SSBP2: variants seen among roughly 807,000 people sequenced by gnomAD.
The protein encoded by SSBP2 is single-stranded DNA-binding protein 2.
In SSBP2, 17 loss-of-function variants were observed where a neutral mutation model predicts 61.8. The observed-to-expected ratio is 0.28, with a 90% CI of 0.19 to 0.41. SSBP2 has a LOEUF of 0.41. Ranked by LOEUF, SSBP2 falls within the 10% of genes least tolerant of loss-of-function variation. The pLI, the probability that SSBP2 is intolerant of heterozygous loss-of-function variation, is 1.00. For missense variants in SSBP2, 310 were observed against 458.7 expected (o/e 0.68, Z 2.96); for synonymous variants, 139 against 141.3 (o/e 0.98, Z 0.12).
chr5:81,457,198 G>A (rs995626624), intron 10 of SSBP2, among the ~76,000 whole-genome samples: 1 of 152,050 alleles, frequency 6.6e-6, no homozygotes, highest in Admixed American at 6.5e-5. Context: ...GAGAAAAATG[G>A]GGACATGTTA....
At chr5:81,658,905 C>T (rs1452484448) in intron 1 of SSBP2, among the ~76,000 whole-genome samples, 1 of 152,136 alleles carries the variant, frequency 6.6e-6, no homozygotes, top group Non-Finnish European at 1.5e-5. Context: ...TAAACAGAAC[C>T]AATGACTAAA....
At position 81,459,041 on chromosome 5, in the gene SSBP2, T is replaced by TC. The variant is rs1222199442; in HGVS notation, c.687+2013dup. Among the ~76,000 whole-genome samples, 12 of 152,318 alleles carry TC rather than the reference T, an allele frequency of 7.9e-5. No individual in the cohort carries two copies. The South Asian group carries it at 2.5e-3, about 32-fold the overall frequency. On this transcript the variant is annotated intron_variant, in intron 10 of 16. Coordinates refer to ENST00000320672, the MANE Select transcript of SSBP2 (RefSeq NM_012446.5). Reference sequence around the variant, plus strand: ...ATTCATCGAGGAGACTGCTTTCAACTCCATTACTTGCCTACATGTGTGCTA... The same window carrying TC: ...ATTCATCGAGGAGACTGCTTTCAACTCCCATTACTTGCCTACATGTGTGCTA...
chr5:81,613,415 A>G lies in SSBP2; in HGVS notation c.282+2058T>C, dbSNP rs2153597627. 2.0e-5 allele frequency among the ~76,000 whole-genome samples: 3 copies of G among 152,332 alleles called. No homozygotes were observed. In the South Asian group the frequency reaches 6.2e-4, roughly 32 times the overall value. On this transcript the variant is annotated intron_variant, in intron 4 of 16. Coordinates refer to ENST00000320672, the MANE Select transcript of SSBP2 (RefSeq NM_012446.5). ...TGTATTTCTAAAGCTAATAAGTGTG[A>G]ATACTTTGAAATTTTCAAAGTGTCT...
intron 1 of SSBP2, among the ~76,000 whole-genome samples, chr5:81,741,109 C>T (rs1055648623): frequency 2.0e-5 from 3 of 152,328 alleles, no homozygotes; most frequent in Admixed American, 6.5e-5. Context: ...ATACAATTTA[C>T]TCTGTGGCCC....
chr5:81,590,379 C>A (rs1775407442), intron 4 of SSBP2, among the ~76,000 whole-genome samples: 1 of 152,144 alleles, frequency 6.6e-6, no homozygotes, highest in Non-Finnish European at 1.5e-5. Context: ...CTCAAGCTTA[C>A]CACAACAACA....
chr5:81,436,185 CAAAAAAA>C (rs34499225), intron 15 of SSBP2, among the ~76,000 whole-genome samples: 2 of 54,570 alleles, frequency 3.7e-5, no homozygotes, highest in African/African-American at 1.4e-4. Context: ...AAGACTCCAT[CAAAAAAA>C]AAAAAAAAAA....
intron 15 of SSBP2, among the ~76,000 whole-genome samples, chr5:81,428,937 A>G (rs1325957551): frequency 6.6e-6 from 1 of 152,170 alleles, no homozygotes; most frequent in Non-Finnish European, 1.5e-5. Context: ...TTCAGAATCA[A>G]TATTTATTCA....
At chr5:81,544,196 AT>A (rs1771539127) in intron 4 of SSBP2, among the ~76,000 whole-genome samples, 1 of 151,976 alleles carries the variant, frequency 6.6e-6, no homozygotes, top group South Asian at 2.1e-4. Flanking sequence ...ACTACAGGCG[AT>A]GCCACCACGC....
At chr5:81,483,055 G>A (rs1281847562) in intron 6 of SSBP2, among the ~76,000 whole-genome samples, 8 of 152,106 alleles carry the variant, frequency 5.3e-5, no homozygotes, top group African/African-American at 1.7e-4. Flanking sequence ...GTGGCTGGTC[G>A]GTGGAGCAGT....
intron 1 of SSBP2, among the ~76,000 whole-genome samples, chr5:81,669,593 G>C (rs1751431923): frequency 6.6e-6 from 1 of 152,058 alleles, no homozygotes; most frequent in African/African-American, 2.4e-5. Context: ...ATAACTGGGA[G>C]CTGAACATTG....
At chr5:81,522,409 T>G (rs1769561872) in intron 4 of SSBP2, among the ~76,000 whole-genome samples, 1 of 152,046 alleles carries the variant, frequency 6.6e-6, no homozygotes, top group African/African-American at 2.4e-5. Flanking sequence ...AATACAATTT[T>G]TATAAACTTT....
intron 4 of SSBP2, among the ~76,000 whole-genome samples, chr5:81,590,334 C>T (rs986733756): frequency 7.9e-5 from 12 of 152,120 alleles, no homozygotes; most frequent in Admixed American, 7.9e-4. Context: ...AAATGCTTTC[C>T]AAGTAAGAGG....
chr5:81,531,229 GAA>G (rs71000841), intron 4 of SSBP2, among the ~76,000 whole-genome samples: 2 of 118,304 alleles, frequency 1.7e-5, no homozygotes, highest in Non-Finnish European at 1.8e-5. Flanking sequence ...ACCCTGTCTG[GAA>G]AAAAAAAAAA....
At position 81,421,988 on chromosome 5, in the gene SSBP2, T is replaced by C. The variant is rs114904671; in HGVS notation, c.1057-1455A>G. Among the ~76,000 whole-genome samples the C allele has an allele frequency of 2.5e-3, 382 of 152,320 alleles. 2 individuals carry two copies. The highest frequency in any genetic ancestry group is 8.8e-3 in the African/African-American group (367 of 41,570). Reference sequence around the variant, plus strand: ...TAATCCCACATGGTAATTTACTCTTTGGATGAAGACAGTTTCTAAATTAAA... The same window carrying C: ...TAATCCCACATGGTAATTTACTCTTCGGATGAAGACAGTTTCTAAATTAAA... On this transcript the variant is annotated intron_variant, in intron 16 of 16. Transcript: ENST00000320672.
chr5:81,664,026 C>G (rs1327421973), intron 1 of SSBP2, among the ~76,000 whole-genome samples: 1 of 151,942 alleles, frequency 6.6e-6, no homozygotes, highest in East Asian at 1.9e-4. Flanking sequence ...CCAAAAATGG[C>G]TCTTCCTAAT....
rs1216485772 is a variant in SSBP2, at chr5:81,751,045, T to C, written c.-3A>G. ...TTACTCTTGCCTTTGCCGTACATGC[T>C]TGTGCCGAGAGCAGCTCCCACTGTC... On this transcript the variant is annotated 5_prime_UTR_variant, in exon 1 of 17. Coordinates refer to ENST00000320672, the MANE Select transcript of SSBP2 (RefSeq NM_012446.5). 3.8e-6 allele frequency: 6 copies of C among 1,592,878 alleles called. No homozygotes were observed. The South Asian group carries it at 5.7e-5, about 15-fold the overall frequency.
intron 8 of SSBP2, among the ~76,000 whole-genome samples, chr5:81,469,948 A>C (rs746060316): frequency 6.6e-6 from 1 of 151,892 alleles, no homozygotes; most frequent in Non-Finnish European, 1.5e-5. Context: ...CTCTGCTTGG[A>C]AAGTTTATAA....
intron 4 of SSBP2, among the ~76,000 whole-genome samples, chr5:81,583,425 T>G (rs373510660): frequency 4.7e-4 from 72 of 151,978 alleles, no homozygotes; most frequent in African/African-American, 1.3e-3. Context: ...GTCAGGAGAT[T>G]GAGACCATCC....
intron 4 of SSBP2, among the ~76,000 whole-genome samples, chr5:81,532,132 T>G (rs1301667589): frequency 6.6e-6 from 1 of 152,052 alleles, no homozygotes; most frequent in Non-Finnish European, 1.5e-5. Flanking sequence ...CAAGTTTATG[T>G]TGGAAATGTA....
Sources: allele counts gnomAD v4.1 joint callset (sites outside exome capture counted in the v4.1 genomes callset), GRCh38; gene constraint gnomAD v4.1.1; transcripts MANE v1.5; gene names NCBI Gene and HGNC (gene_info 2026-07-23, HGNC 2026-07-21).